The following SYNE2 variants were observed in gnomAD, a reference collection of about 807,000 sequenced individuals.
The protein encoded by SYNE2 is nesprin-2.
A neutral mutation model predicts 856.3 loss-of-function variants in SYNE2; 431 were observed. The ratio of observed to expected loss-of-function variants is 0.50; its 90% confidence interval spans 0.47 to 0.55. SYNE2 has a LOEUF of 0.55. SYNE2 is among the 20% of genes least tolerant of loss of function. The probability of loss-of-function intolerance (pLI) is 0.00; values close to 1 mark genes in which losing one functional copy is unlikely to be tolerated. For missense variants in SYNE2, 8,129 were observed against 8,023.2 expected, an observed-to-expected ratio of 1.01 and a Z score of -0.50; for synonymous variants, 2,923 against 2,872.3, an observed-to-expected ratio of 1.02 and a Z score of -0.56.
intron 112 of SYNE2, among the ~76,000 whole-genome samples, chr14:64,222,234 G>A (rs1027923462): frequency 1.3e-5 from 2 of 152,176 alleles, no homozygotes; most frequent in African/African-American, 4.8e-5. Flanking sequence ...TTTAATCAGA[G>A]TGCTAGCCAT....
chr14:63,918,001 T>G (rs2095552056), intron 2 of SYNE2, among the ~76,000 whole-genome samples: 1 of 152,202 alleles, frequency 6.6e-6, no homozygotes, highest in Admixed American at 6.5e-5. Context: ...CAGGGTCATT[T>G]AGAGTCTTGT....
At chr14:63,960,281 T>G (rs982132371) in intron 8 of SYNE2, among the ~76,000 whole-genome samples, 1 of 152,210 alleles carries the variant, frequency 6.6e-6, no homozygotes, top group Non-Finnish European at 1.5e-5. Flanking sequence ...AATTACATTG[T>G]TTGCAAATGA....
chr14:63,957,044 G>A (rs1267124196), intron 8 of SYNE2, among the ~76,000 whole-genome samples: 3 of 151,354 alleles, frequency 2.0e-5, no homozygotes, highest in Non-Finnish European at 4.4e-5. Context: ...TATGGTCTTT[G>A]TGACTGGCTT....
Position 64,000,614 on chromosome 14 carries a change from T to C in SYNE2, c.3533T>C (p.Leu1178Ser). Residue 1178 changes from leucine to serine, a missense_variant, in exon 28 of 116, where the codon TTG (leucine) becomes TCG (serine). Leu to Ser is a moderately radical substitution (Grantham distance 145). Around this residue, in one of 3 missense-constraint regions of SYNE2, gnomAD observed 2,422 missense variants for 2,357.4 expected, o/e 1.03. Coordinates refer to ENST00000555002, the MANE Select transcript of SYNE2 (RefSeq NM_182914.3). ...ARWKEFEIIS[L>S]KLENHVNDIK... ...TGGAAAGAGTTTGAAATTATTTCAT[T>C]GAAGTTAGAAAATCATGTGAATGAC... 1 of 1,613,594 alleles carries C rather than the reference T, an allele frequency of 6.2e-7. No individual in the cohort carries two copies.
intron 94 of SYNE2, among the ~76,000 whole-genome samples, chr14:64,173,560 C>T (rs533722935): frequency 1.4e-4 from 22 of 152,240 alleles, no homozygotes; most frequent in African/African-American, 4.6e-4. Flanking sequence ...ACTTTGTCTC[C>T]TTCAAGAAAT....
At chr14:64,159,209 T>G in intron 86 of SYNE2, 103 bp from the exon 87 acceptor site, 3 of 1,440,846 alleles carry the variant, frequency 2.1e-6, no homozygotes, top group Middle Eastern at 3.5e-4. Flanking sequence ...GCTGTAAGAT[T>G]TGAGTGTTAT....
intron 63 of SYNE2, 150 bp downstream of exon 63, chr14:64,098,971 ATTAATGT>A (rs2097699421): frequency 1.3e-6 from 1 of 781,248 alleles, no homozygotes; most frequent in Admixed American, 2.1e-5. Context: ...CTCTTATGTT[ATTAATGT>A]TTAAGTGTAT....
intron 114 of SYNE2, 159 bp from the exon 115 acceptor site, chr14:64,224,840 G>C (rs1460148022): frequency 2.6e-6 from 2 of 762,910 alleles, no homozygotes; most frequent in African/African-American, 3.5e-5. Context: ...TCCTACTTCA[G>C]GTGACGTTTA....
chr14:64,094,192 G>T (rs1168320087), intron 61 of SYNE2, among the ~76,000 whole-genome samples: 1 of 151,986 alleles, frequency 6.6e-6, no homozygotes, highest in African/African-American at 2.4e-5. Context: ...AAATTAGCTG[G>T]GTGTGTTGGT....
chr14:64,080,396 G>T, intron 55 of SYNE2, 60 bp from the exon 56 acceptor site: 1 of 1,520,314 alleles, frequency 6.6e-7, no homozygotes, highest in Non-Finnish European at 9.1e-7. Context: ...TGAAAACCAG[G>T]CATTGCCTCC....
At chr14:63,843,591 T>C (rs1161104693) in intron 1 of SYNE2, among the ~76,000 whole-genome samples, 1 of 152,180 alleles carries the variant, frequency 6.6e-6, no homozygotes, top group Non-Finnish European at 1.5e-5. Flanking sequence ...ATGCCTCTAA[T>C]GACTAAGTGA....
At chr14:63,877,097 A>T (rs2094742164) in intron 1 of SYNE2, among the ~76,000 whole-genome samples, 1 of 152,194 alleles carries the variant, frequency 6.6e-6, no homozygotes, top group Admixed American at 6.5e-5. Flanking sequence ...AACAAGACCA[A>T]AATTGTCAGT....
At chr14:63,877,726 A>G (rs1047659388) in intron 1 of SYNE2, among the ~76,000 whole-genome samples, 6 of 152,296 alleles carry the variant, frequency 3.9e-5, no homozygotes, top group Non-Finnish European at 8.8e-5. Context: ...TTTCATGAGT[A>G]GATGTGTTCC....
intron 10 of SYNE2, among the ~76,000 whole-genome samples, chr14:63,966,843 A>G (rs1173776569): frequency 6.6e-6 from 1 of 151,926 alleles, no homozygotes; most frequent in Non-Finnish European, 1.5e-5. Context: ...TACAGTCATG[A>G]GCCTCAGTGC....
At chr14:63,787,852 G>A (rs1301974646) in intron 1 of SYNE2, among the ~76,000 whole-genome samples, 1 of 152,208 alleles carries the variant, frequency 6.6e-6, no homozygotes, top group Non-Finnish European at 1.5e-5. Context: ...TCCCTGCCCT[G>A]AAGGTGGGGT....
chr14:63,949,787 T>C (rs371492764), intron 6 of SYNE2, 38 bp from the exon 7 acceptor site: 21 of 1,612,598 alleles, frequency 1.3e-5, no homozygotes, highest in Non-Finnish European at 1.5e-5. Flanking sequence ...TGGTAACTTA[T>C]GCTTTTATAA....
intron 94 of SYNE2, chr14:64,174,023 T>G: frequency 1.6e-6 from 1 of 625,116 alleles, no homozygotes; most frequent in South Asian, 1.8e-5. Context: ...ACACCGCCAC[T>G]AAAATATAGA....
Position 64,125,218 on chromosome 14 carries a change from C to A in SYNE2, c.13554+8C>A. 1 of 1,614,038 alleles carries A rather than the reference C, an allele frequency of 6.2e-7. No individual in the cohort carries two copies. On this transcript the variant is annotated splice_region_variant and intron_variant, in intron 71 of 115. Coordinates refer to ENST00000555002, the MANE Select transcript of SYNE2 (RefSeq NM_182914.3). Reference sequence around the variant, plus strand: ...AGTAACCTTCAGACACAGGTAGAAGCTGCACACAATGTGTTTTCCTCATTG... The same window carrying A: ...AGTAACCTTCAGACACAGGTAGAAGATGCACACAATGTGTTTTCCTCATTG...
intron 6 of SYNE2, among the ~76,000 whole-genome samples, chr14:63,945,340 C>T (rs1303524958): frequency 3.9e-5 from 6 of 152,180 alleles, no homozygotes; most frequent in South Asian, 4.1e-4. Flanking sequence ...AGGTGAGCAC[C>T]GCTTTGAGCT....
Sources: allele counts gnomAD v4.1 joint callset (sites outside exome capture counted in the v4.1 genomes callset), GRCh38; gene constraint gnomAD v4.1.1; regional missense constraint gnomAD v4.1.1; transcripts MANE v1.5; gene names NCBI Gene and HGNC (gene_info 2026-07-23, HGNC 2026-07-21).